MACROD2: variants seen among roughly 807,000 people sequenced by gnomAD.
MACROD2 encodes mono-ADP ribosylhydrolase 2.
Under a neutral mutation model 70.4 loss-of-function variants are expected in MACROD2, and 36 were observed. That is an observed-to-expected ratio of 0.51 (90% CI 0.39 to 0.68). The LOEUF is 0.68. Among genes scored for constraint, MACROD2 ranks in the 30% least tolerant of loss-of-function variants. The probability of loss-of-function intolerance (pLI) is 0.00; values close to 1 mark genes in which losing one functional copy is unlikely to be tolerated. For missense variants in MACROD2, 496 were observed against 538.4 expected, an observed-to-expected ratio of 0.92 and a Z score of 0.78; for synonymous variants, 172 against 178.8, an observed-to-expected ratio of 0.96 and a Z score of 0.30.
intron 3 of MACROD2, among the ~76,000 whole-genome samples, chr20:14,141,832 G>A (rs551138006): frequency 1.5e-4 from 23 of 149,134 alleles, no homozygotes; most frequent in Admixed American, 6.0e-4. Context: ...CAAGCACTCA[G>A]TACCTTATAA....
chr20:14,463,744 G>T lies in MACROD2; in HGVS notation c.272-29735G>T, dbSNP rs558030362. Among the ~76,000 whole-genome samples the T allele has an allele frequency of 3.3e-5, 5 of 152,138 alleles. No individual in the cohort carries two copies. In the South Asian group the frequency reaches 8.3e-4, roughly 25 times the overall value. On this transcript the variant is annotated intron_variant, in intron 3 of 17. Transcript: ENST00000684519. ...ATTTATTGAGAGCTTTTAGCATGGAGGGTTTTTGAATTTTGTCAAAGGCCT... is the reference window on the plus strand; with the variant it reads ...ATTTATTGAGAGCTTTTAGCATGGATGGTTTTTGAATTTTGTCAAAGGCCT...
chr20:15,332,850 G>C (rs529507857), intron 6 of MACROD2, among the ~76,000 whole-genome samples: 1 of 151,744 alleles, frequency 6.6e-6, no homozygotes, highest in Non-Finnish European at 1.5e-5. Context: ...CAGCAACTCA[G>C]ATCACTAGTC....
At chr20:15,987,009 C>A in intron 14 of MACROD2, 57 bp from the exon 15 acceptor site, 1 of 1,423,748 alleles carries the variant, frequency 7.0e-7, no homozygotes, top group Non-Finnish European at 9.7e-7. Context: ...TCACAGTATT[C>A]TCTCAATGAT....
rs570894106 is a variant in MACROD2, at chr20:14,623,557, G to A, written c.302-61286G>A. On this transcript the variant is annotated intron_variant, in intron 4 of 17. Coordinates refer to ENST00000684519, the MANE Select transcript of MACROD2 (RefSeq NM_001351661.2). ...TGCCAGAATTTTGCTGTAGCAGACA[G>A]TGGATGAACTAATCAAAAGGCTCAG... is the stretch of plus-strand genomic sequence containing the variant. 1.7e-3 allele frequency among the ~76,000 whole-genome samples: 258 copies of A among 152,296 alleles called. 1 individual carries two copies. Among genetic ancestry groups the A allele is most frequent in the African/African-American group, 5.8e-3 (241 of 41,572 alleles).
intron 8 of MACROD2, among the ~76,000 whole-genome samples, chr20:15,597,884 G>A (rs1291716395): frequency 6.6e-6 from 1 of 152,180 alleles, no homozygotes; most frequent in African/African-American, 2.4e-5. Flanking sequence ...TTTGAGACCA[G>A]CCTGGCCAAC....
Position 14,675,332 on chromosome 20 carries a change from C to A in MACROD2, c.302-9511C>A, listed in dbSNP as rs138781720. 5.3e-3 allele frequency among the ~76,000 whole-genome samples: 808 copies of A among 152,258 alleles called. 16 individuals are homozygous for A. Among genetic ancestry groups the A allele is most frequent in the African/African-American group, 0.018 (766 of 41,552 alleles). ...AGGTCAGGTTACCCACAAAGGGAAG[C>A]CCATCAGACTAACAGCAGATCTCTC... On this transcript the variant is annotated intron_variant, in intron 4 of 17. Transcript: ENST00000684519.
chr20:15,772,096 AAAAAAAT>A lies in MACROD2; in HGVS notation c.646-90647_646-90641del, dbSNP rs1292232367. ...TGAGACTCGGTCTCAAAAAAAAAAA[AAAAAAAT>A]ATATATATATATATATATATATATA... On this transcript the variant is annotated intron_variant, in intron 8 of 17. Transcript: ENST00000684519. Among the ~76,000 whole-genome samples, 631 of 101,340 alleles carry A rather than the reference AAAAAAAT, an allele frequency of 6.2e-3. 6 individuals are homozygous for A. Among genetic ancestry groups the A allele is most frequent in the African/African-American group, 0.027 (549 of 20,212 alleles). 66.5% of individuals were successfully genotyped at this position (101,340 alleles called of 152,430 possible).
intron 15 of MACROD2, among the ~76,000 whole-genome samples, chr20:16,032,119 T>C (rs1407186780): frequency 6.6e-6 from 1 of 152,214 alleles, no homozygotes; most frequent in African/African-American, 2.4e-5. Context: ...GAACTTTATC[T>C]TTATTTCTAT....
chr20:15,664,202 A>G (rs989110080), intron 8 of MACROD2, among the ~76,000 whole-genome samples: 1 of 152,224 alleles, frequency 6.6e-6, no homozygotes, highest in African/African-American at 2.4e-5. Context: ...GTGAAGATTC[A>G]GACAAGTCTC....
intron 3 of MACROD2, among the ~76,000 whole-genome samples, chr20:14,363,710 G>C (rs1251629469): frequency 6.7e-6 from 1 of 150,096 alleles, no homozygotes; most frequent in Non-Finnish European, 1.5e-5. Context: ...CCAGCTATTC[G>C]GGAGGCTGAG....
At chr20:14,146,474 C>T (rs1011256108) in intron 3 of MACROD2, among the ~76,000 whole-genome samples, 14 of 152,126 alleles carry the variant, frequency 9.2e-5, no homozygotes, top group Non-Finnish European at 1.5e-4. Context: ...AGGTTTCCTT[C>T]TGTTCTAGTT....
At position 15,542,046 on chromosome 20, in the gene MACROD2, G is replaced by A. The variant is rs147592989; in HGVS notation, c.645+42199G>A. Among the ~76,000 whole-genome samples the A allele has an allele frequency of 3.6e-3, 550 of 152,294 alleles. 1 individual carries two copies. Among genetic ancestry groups the A allele is most frequent in the Middle Eastern group, 0.027 (8 of 294 alleles). ...AAAGAAACCCGTGTGACTGCGACCT[G>A]TACAATGCATGCAGGTGACAGTCTT... On this transcript the variant is annotated intron_variant, in intron 8 of 17. Coordinates refer to ENST00000684519, the MANE Select transcript of MACROD2 (RefSeq NM_001351661.2).
At chr20:15,565,723 C>T (rs1018298404) in intron 8 of MACROD2, among the ~76,000 whole-genome samples, 2 of 152,160 alleles carry the variant, frequency 1.3e-5, no homozygotes, top group Non-Finnish European at 2.9e-5. Context: ...TCAAGCAATC[C>T]TCCTGCCTCA....
At chr20:14,134,794 T>C (rs1601261981) in intron 3 of MACROD2, among the ~76,000 whole-genome samples, 1 of 81,810 alleles carries the variant, frequency 1.2e-5, no homozygotes, top group African/African-American at 4.9e-5. Flanking sequence ...ACAGTGAGAC[T>C]CCGTGTCAAA....
intron 15 of MACROD2, among the ~76,000 whole-genome samples, chr20:16,028,384 C>CA: frequency 1.4e-5 from 1 of 70,038 alleles, no homozygotes; most frequent in African/African-American, 4.0e-5. Context: ...ACCTGGTGGA[C>CA]ATTTTTTTTT....
At chr20:15,941,254 A>G in intron 12 of MACROD2, among the ~76,000 whole-genome samples, 1 of 152,226 alleles carries the variant, frequency 6.6e-6, no homozygotes. Flanking sequence ...ATAAGCCATT[A>G]ATATCTATTA....
intron 2 of MACROD2, among the ~76,000 whole-genome samples, chr20:14,061,792 G>A (rs2053693743): frequency 2.0e-5 from 3 of 152,146 alleles, no homozygotes; most frequent in Admixed American, 6.5e-5. Context: ...GAGTCAGTAA[G>A]CTGATAGCTC....
intron 7 of MACROD2, among the ~76,000 whole-genome samples, chr20:15,440,309 A>T (rs2046479254): frequency 6.6e-6 from 1 of 152,148 alleles, no homozygotes; most frequent in South Asian, 2.1e-4. Context: ...TGTGAGGAAA[A>T]ATTGAAGTGC....
intron 3 of MACROD2, among the ~76,000 whole-genome samples, chr20:14,104,339 G>A (rs969559571): frequency 1.3e-5 from 2 of 152,198 alleles, no homozygotes; most frequent in African/African-American, 4.8e-5. Flanking sequence ...AGGCATTGGT[G>A]TTGGGGTGGG....
Sources: gnomAD v4.1 joint callset for allele counts (sites outside exome capture counted in the v4.1 genomes callset) on GRCh38, gnomAD v4.1.1 for gene constraint, MANE v1.5 for transcripts, NCBI Gene and HGNC (gene_info 2026-07-23, HGNC 2026-07-21) for gene names.